PRKCB: variants seen among roughly 807,000 people sequenced by gnomAD.
The protein encoded by PRKCB is protein kinase C beta type.
Under a neutral mutation model 81.5 loss-of-function variants are expected in PRKCB, and 13 were observed. The ratio of observed to expected loss-of-function variants is 0.16; its 90% CI spans 0.10 to 0.25. The LOEUF (loss-of-function observed/expected upper bound fraction) is 0.25. PRKCB is among the 10% of genes least tolerant of loss of function. The probability of loss-of-function intolerance (pLI) is 1.00; values close to 1 mark genes in which losing one functional copy is unlikely to be tolerated. For synonymous variants in PRKCB, 335 were observed against 321.4 expected (o/e 1.04, Z -0.45); for missense variants, 509 against 875.7 (o/e 0.58, Z 5.29).
chr16:24,013,199 C>T (rs553118394), intron 3 of PRKCB, among the ~76,000 whole-genome samples: 18 of 152,320 alleles, frequency 1.2e-4, no homozygotes, highest in African/African-American at 4.3e-4. Context: ...ACTCAGCACA[C>T]CACATACCTC....
intron 5 of PRKCB, among the ~76,000 whole-genome samples, chr16:24,060,178 C>T (rs1259352992): frequency 6.6e-6 from 1 of 152,130 alleles, no homozygotes; most frequent in Non-Finnish European, 1.5e-5. Context: ...TGTTCAAGTC[C>T]CAGCTCTGCC....
chr16:23,880,777 G>C (rs1963093835), intron 2 of PRKCB, among the ~76,000 whole-genome samples: 1 of 151,964 alleles, frequency 6.6e-6, no homozygotes, highest in South Asian at 2.1e-4. Context: ...TGCAGAGAAA[G>C]AAAATAATCT....
At chr16:24,160,190 G>GTTT (rs11305626) in intron 10 of PRKCB, among the ~76,000 whole-genome samples, 11 of 115,278 alleles carry the variant, frequency 9.5e-5, no homozygotes, top group Admixed American at 6.2e-4. Flanking sequence ...CCCTTTGGGT[G>GTTT]TTTTTTTTTT....
At chr16:23,841,166 T>C (rs113709828) in intron 2 of PRKCB, among the ~76,000 whole-genome samples, 41 of 152,106 alleles carry the variant, frequency 2.7e-4, no homozygotes, top group African/African-American at 9.6e-4. Context: ...GTAACCTCCA[T>C]CTCCTGGGGC....
intron 9 of PRKCB, among the ~76,000 whole-genome samples, chr16:24,139,470 T>C (rs198205): frequency 0.39 from 59,554 of 152,012 alleles, 12,006 homozygotes; most frequent in African/African-American, 0.49. Flanking sequence ...CTCCCCTTTC[T>C]AGCAGTCACT....
At chr16:24,018,874 A>G (rs1453079121) in intron 3 of PRKCB, among the ~76,000 whole-genome samples, 3 of 152,178 alleles carry the variant, frequency 2.0e-5, no homozygotes, top group African/African-American at 7.2e-5. Flanking sequence ...AGCTTCTAAC[A>G]TTCTCCACTT....
chr16:24,123,887 C>G lies in PRKCB; in HGVS notation c.971C>G (p.Thr324Ser), dbSNP rs1442138562. Residue 324 changes from threonine to serine, a missense_variant, in exon 9 of 17, where the codon ACT becomes AGT. Transcript: ENST00000643927. The stretch of plus-strand genomic sequence containing the variant: ...GTCCCGGAAGAAAAGACGACCAACA[C>G]TGTCTCCAAATTTGACAACAATGGC... ...TKVPEEKTTN[T>S]VSKFDNNGNR... The G allele has an allele frequency of 6.2e-7, 1 of 1,614,076 alleles. No homozygotes were observed. The highest frequency in any genetic ancestry group is 8.5e-7 in the Non-Finnish European group (1 of 1,180,026).
chr16:24,088,644 G>A (rs970294316), intron 5 of PRKCB, among the ~76,000 whole-genome samples: 1 of 149,584 alleles, frequency 6.7e-6, no homozygotes, highest in Non-Finnish European at 1.5e-5. Flanking sequence ...TGGTAGCATC[G>A]CTTGATCCTG....
chr16:24,114,212 T>G (rs1462881665), intron 8 of PRKCB, among the ~76,000 whole-genome samples: 1 of 140,994 alleles, frequency 7.1e-6, no homozygotes, highest in African/African-American at 2.6e-5. Context: ...CAGGCTGCAG[T>G]GCAATGGTGC....
At chr16:23,963,872 G>A (rs941678461) in intron 2 of PRKCB, 2 of 152,212 alleles carry the variant, frequency 1.3e-5, no homozygotes, top group East Asian at 3.8e-4. Flanking sequence ...CCAGCCGTGG[G>A]AATGGGCCAT....
rs1210105406 is a variant in PRKCB, at chr16:23,912,507, CTTTTT to C, written c.205+75120_205+75124del. On this transcript the variant is annotated intron_variant, in intron 2 of 16. Coordinates refer to ENST00000643927, the MANE Select transcript of PRKCB (RefSeq NM_002738.7). ...TCTTCTTTTCCTTTCTTTCTTTCTT[CTTTTT>C]TTTTTTTTTTTTTTTTTTGAGACAG... Among the ~76,000 whole-genome samples, 12 of 72,086 alleles carry C rather than the reference CTTTTT, an allele frequency of 1.7e-4. No individual in the cohort carries two copies. The East Asian group carries it at 2.3e-3, about 14-fold the overall frequency. 47.3% of individuals were successfully genotyped at this position (72,086 alleles called of 152,430 possible).
chr16:24,103,530 C>CT (rs1280967296), intron 7 of PRKCB, among the ~76,000 whole-genome samples: 1 of 152,064 alleles, frequency 6.6e-6, no homozygotes. Flanking sequence ...GTAGAGTATA[C>CT]TTTTTTGTGG....
intron 16 of PRKCB, among the ~76,000 whole-genome samples, chr16:24,213,459 T>A (rs147718367): frequency 6.6e-4 from 100 of 152,306 alleles, no homozygotes; most frequent in Non-Finnish European, 1.3e-3. Context: ...CTCAGTTCCG[T>A]CATCTATAAA....
intron 5 of PRKCB, among the ~76,000 whole-genome samples, chr16:24,035,839 C>A (rs1215698113): frequency 6.6e-6 from 1 of 152,192 alleles, no homozygotes; most frequent in East Asian, 1.9e-4. Context: ...TCCTCAGGAT[C>A]CTCCACTTCC....
At chr16:23,949,501 T>A (rs1964248020) in intron 2 of PRKCB, among the ~76,000 whole-genome samples, 1 of 152,236 alleles carries the variant, frequency 6.6e-6, no homozygotes, top group Non-Finnish European at 1.5e-5. Flanking sequence ...TCCAACTTCC[T>A]CCGTTCTGCC....
chr16:23,952,994 G>A (rs1462972186), intron 2 of PRKCB, among the ~76,000 whole-genome samples: 1 of 152,154 alleles, frequency 6.6e-6, no homozygotes, highest in Non-Finnish European at 1.5e-5. Context: ...CCTGTACTGA[G>A]AGGGGCATTT....
chr16:24,120,240 A>G (rs563942783), intron 8 of PRKCB, among the ~76,000 whole-genome samples: 1 of 152,258 alleles, frequency 6.6e-6, no homozygotes, highest in East Asian at 1.9e-4. Flanking sequence ...GGTGATGGAA[A>G]TGTTCCGCGT....
At chr16:24,020,324 A>C (rs1441640589) in intron 3 of PRKCB, among the ~76,000 whole-genome samples, 1 of 152,248 alleles carries the variant, frequency 6.6e-6, no homozygotes, top group Non-Finnish European at 1.5e-5. Flanking sequence ...ATTGAAGAAA[A>C]ATATCAAGTA....
chr16:24,185,634 A>G (rs1967692154), intron 15 of PRKCB, 67 bp downstream of exon 15: 1 of 1,337,296 alleles, frequency 7.5e-7, no homozygotes, highest in African/African-American at 1.4e-5. Flanking sequence ...TACCTTGCCC[A>G]AGAACACCCC....
Sources: allele counts gnomAD v4.1 joint callset (sites outside exome capture counted in the v4.1 genomes callset), GRCh38; gene constraint gnomAD v4.1.1; transcripts MANE v1.5; gene names NCBI Gene and HGNC (gene_info 2026-07-23, HGNC 2026-07-21).